Variants in MCC observed in about 807,000 individuals in gnomAD.
MCC encodes MCC regulator of Wnt signaling pathway.
Under a neutral mutation model 116.2 loss-of-function variants are expected in MCC, and 90 were observed. The ratio of observed to expected loss-of-function variants is 0.77; its 90% CI spans 0.65 to 0.92. The LOEUF is 0.92. Among genes scored for constraint, MCC ranks in the 40% least tolerant of loss-of-function variants. The pLI, the probability that MCC is intolerant of heterozygous loss-of-function variation, is 0.00. For missense variants in MCC, 1,516 were observed against 1,312.2 expected, an observed-to-expected ratio of 1.16 and a Z score of -2.40; for synonymous variants, 578 against 510.5, an observed-to-expected ratio of 1.13 and a Z score of -1.78.
chr5:113,320,615 T>C (rs1653963974), intron 3 of MCC, among the ~76,000 whole-genome samples: 1 of 152,228 alleles, frequency 6.6e-6, no homozygotes, highest in South Asian at 2.1e-4. Flanking sequence ...ACTTATCTCT[T>C]AAAATTTTCA....
chr5:113,367,874 A>G (rs1466988076), intron 2 of MCC, among the ~76,000 whole-genome samples: 1 of 152,168 alleles, frequency 6.6e-6, no homozygotes, highest in Non-Finnish European at 1.5e-5. Flanking sequence ...TCAATTGTCC[A>G]ACATTCCTTA....
chr5:113,064,388 C>G (rs918237069), intron 13 of MCC, among the ~76,000 whole-genome samples: 2 of 152,254 alleles, frequency 1.3e-5, no homozygotes, highest in Non-Finnish European at 2.9e-5. Flanking sequence ...CTGGGCTCCA[C>G]TGGCCTCAGG....
intron 3 of MCC, among the ~76,000 whole-genome samples, chr5:113,319,892 C>A (rs1415431465): frequency 6.6e-6 from 1 of 152,196 alleles, no homozygotes; most frequent in Non-Finnish European, 1.5e-5. Context: ...CTTGCCTACT[C>A]CTGGGCAAAC....
chr5:113,199,513 A>G (rs766843946), intron 3 of MCC, among the ~76,000 whole-genome samples: 1 of 152,172 alleles, frequency 6.6e-6, no homozygotes, highest in Admixed American at 6.5e-5. Flanking sequence ...TTCTGGGAGG[A>G]AAGTTTGCTG....
At chr5:113,053,606 T>G in intron 15 of MCC, 119 bp downstream of exon 15, 1 of 673,404 alleles carries the variant, frequency 1.5e-6, no homozygotes, top group Admixed American at 2.7e-5. Context: ...TAAACAAGGG[T>G]CTAGCTCTTC....
intron 3 of MCC, among the ~76,000 whole-genome samples, chr5:113,307,914 G>A (rs1037059084): frequency 6.6e-6 from 1 of 151,528 alleles, no homozygotes; most frequent in Non-Finnish European, 1.5e-5. Context: ...CCACATTAAT[G>A]TATCTTCCTG....
intron 3 of MCC, among the ~76,000 whole-genome samples, chr5:113,294,012 A>G (rs1766614879): frequency 6.6e-6 from 1 of 152,112 alleles, no homozygotes; most frequent in Admixed American, 6.5e-5. Context: ...GGGTGTATAT[A>G]AATTAGTGGA....
At chr5:113,062,938 A>G (rs1157332368) in intron 14 of MCC, among the ~76,000 whole-genome samples, 2 of 152,172 alleles carry the variant, frequency 1.3e-5, no homozygotes, top group Admixed American at 6.5e-5. Flanking sequence ...TCAACAGTCA[A>G]TCTATCTTTA....
At chr5:113,139,557 C>G (rs1296084247) in intron 5 of MCC, among the ~76,000 whole-genome samples, 1 of 152,112 alleles carries the variant, frequency 6.6e-6, no homozygotes, top group Non-Finnish European at 1.5e-5. Context: ...CAACAAAATA[C>G]CATCTCACAC....
rs757151913 is a variant in MCC, at chr5:113,122,765, C to T, written c.946G>A (p.Glu316Lys). 9 of 1,614,110 alleles carry T rather than the reference C, an allele frequency of 5.6e-6. No homozygotes were observed. The highest frequency in any genetic ancestry group is 1.3e-5 in the African/African-American group (1 of 75,036). Residue 316 changes from glutamate to lysine, a missense_variant, in exon 6 of 19, where the codon GAG becomes AAG. Glu to Lys is a moderately conservative substitution (Grantham distance 56). Coordinates refer to ENST00000408903, the MANE Select transcript of MCC (RefSeq NM_001085377.2). ...ELSQSQHEVNEDSRSMDQDQT... is the reference protein window; with the variant it reads ...ELSQSQHEVNKDSRSMDQDQT... ...TCTTGGTCCATGCTTCGAGAGTCCT[C>T]GTTGACCTCGTGTTGGCTCTGGCTG...
intron 3 of MCC, among the ~76,000 whole-genome samples, chr5:113,305,953 G>T (rs11241198): frequency 0.38 from 58,457 of 151,946 alleles, 14,429 homozygotes; most frequent in African/African-American, 0.69. Flanking sequence ...ACAAGTCTAC[G>T]TTGTGTCTCT....
intron 17 of MCC, among the ~76,000 whole-genome samples, chr5:113,038,559 T>C (rs965754798): frequency 2.6e-5 from 4 of 152,066 alleles, no homozygotes; most frequent in Admixed American, 2.0e-4. Context: ...TCCGGATCCA[T>C]TTTACAGATA....
In MCC at chr5:113,434,839, T is replaced by A; in HGVS notation, c.171-49627A>T. 1.2e-6 allele frequency: 2 copies of A among 1,604,620 alleles called. No individual in the cohort carries two copies. Among genetic ancestry groups the A allele is most frequent in the Non-Finnish European group, 8.5e-7 (1 of 1,173,580 alleles). Reference sequence around the variant, plus strand: ...CGCTTGAGGACAGCAGCGTCATCCATGGTGCCAGGAATGCCCAGTGCCTCT... The same window carrying A: ...CGCTTGAGGACAGCAGCGTCATCCAAGGTGCCAGGAATGCCCAGTGCCTCT... On this transcript the variant is annotated intron_variant, in intron 1 of 18. Transcript: ENST00000408903. This position sits in a 1 kb window ranked among gnomAD's most constrained non-coding sequence, Gnocchi z 4.2.
At chr5:113,481,010 C>G (rs1203592197) in intron 1 of MCC, among the ~76,000 whole-genome samples, 3 of 152,142 alleles carry the variant, frequency 2.0e-5, no homozygotes. Flanking sequence ...CTCCTAGGTT[C>G]AAGAGATCCA....
intron 1 of MCC, among the ~76,000 whole-genome samples, chr5:113,455,380 C>A (rs542611705): frequency 7.0e-4 from 106 of 152,290 alleles, no homozygotes; most frequent in Middle Eastern, 3.4e-3. Flanking sequence ...CACTCCCCCC[C>A]ACCATCACCA....
intron 3 of MCC, 52 bp downstream of exon 3, chr5:113,340,467 T>C: frequency 6.9e-7 from 1 of 1,456,822 alleles, no homozygotes; most frequent in South Asian, 1.1e-5. Flanking sequence ...AATATTTGTA[T>C]TGGAATACAG....
chr5:113,040,465 C>T (rs889017812), intron 17 of MCC, among the ~76,000 whole-genome samples: 5 of 152,094 alleles, frequency 3.3e-5, no homozygotes, highest in African/African-American at 1.2e-4. Context: ...TGTCTGGCAC[C>T]ATCCTTTTTT....
intron 3 of MCC, among the ~76,000 whole-genome samples, chr5:113,198,648 G>A (rs1197576701): frequency 3.3e-5 from 5 of 149,550 alleles, no homozygotes; most frequent in African/African-American, 9.9e-5. Context: ...AGGCTGTAGA[G>A]AGCAGTGATC....
rs1750335916 is a variant in MCC, at chr5:113,023,822, C to G, written c.*3480G>C. 1.3e-5 allele frequency: 2 copies of G among 152,090 alleles called. No homozygotes were observed. Among genetic ancestry groups the G allele is most frequent in the Admixed American group, 1.3e-4 (2 of 15,276 alleles). 9.4% of individuals were successfully genotyped at this position (152,090 alleles called of 1,614,324 possible). A position where few individuals can be genotyped will look rare whatever the true frequency, so the allele number is the denominator to read the frequency against. ...AGAGCTATTAAGGTTGACTGATAGACTTAAAAAGTGATTGCTTTATAATTC... is the reference window on the plus strand; with the variant it reads ...AGAGCTATTAAGGTTGACTGATAGAGTTAAAAAGTGATTGCTTTATAATTC... On this transcript the variant is annotated 3_prime_UTR_variant, in exon 19 of 19. Coordinates refer to ENST00000408903, the MANE Select transcript of MCC (RefSeq NM_001085377.2).
Sources: gnomAD v4.1 joint callset for allele counts (sites outside exome capture counted in the v4.1 genomes callset) on GRCh38, gnomAD v4.1.1 for gene constraint, Gnocchi (gnomAD v3.1) non-coding constraint, MANE v1.5 for transcripts, NCBI Gene and HGNC (gene_info 2026-07-23, HGNC 2026-07-21) for gene names.